The following HIVEP3 variants were observed in gnomAD, a reference collection of about 807,000 sequenced individuals.
The protein encoded by HIVEP3 is transcription factor HIVEP3.
Under a neutral mutation model 152.8 loss-of-function variants are expected in HIVEP3, and 49 were observed. That is an observed-to-expected ratio of 0.32 (90% confidence interval 0.26 to 0.41). The LOEUF is 0.41. HIVEP3 is among the 10% of genes least tolerant of loss of function. The probability of loss-of-function intolerance (pLI) is 1.00; values close to 1 mark genes in which losing one functional copy is unlikely to be tolerated. For missense variants in HIVEP3, 2,790 were observed against 3,103.3 expected (o/e 0.90, Z 2.40); for synonymous variants, 1,269 against 1,289.0 (o/e 0.98, Z 0.33).
intron 5 of HIVEP3, among the ~76,000 whole-genome samples, chr1:41,548,734 C>A (rs193199541): frequency 1.3e-5 from 2 of 152,088 alleles, no homozygotes; most frequent in African/African-American, 4.8e-5. Context: ...CGGGGTTTTA[C>A]CATGTTGGCC....
chr1:41,942,647 G>A (rs948256379), intron 1 of HIVEP3, among the ~76,000 whole-genome samples: 1 of 152,120 alleles, frequency 6.6e-6, no homozygotes, highest in Admixed American at 6.6e-5. Context: ...CATGCACAAA[G>A]CTATTTGTCA....
intron 1 of HIVEP3, among the ~76,000 whole-genome samples, chr1:41,928,860 T>A (rs568254334): frequency 6.6e-6 from 1 of 152,282 alleles, no homozygotes; most frequent in African/African-American, 2.4e-5. Flanking sequence ...TAATATGTCT[T>A]ACTGGCTGGG....
intron 2 of HIVEP3, among the ~76,000 whole-genome samples, chr1:41,691,202 T>C (rs1253615328): frequency 6.6e-6 from 1 of 152,264 alleles, no homozygotes. Flanking sequence ...AGAATATGGA[T>C]TTTTATCTTG....
At position 41,819,711 on chromosome 1, in the gene HIVEP3, T is replaced by C. The variant is rs111333093; in HGVS notation, c.-801+98702A>G. Among the ~76,000 whole-genome samples, 413 of 152,332 alleles carry C rather than the reference T, an allele frequency of 2.7e-3. 2 individuals carry two copies. Among genetic ancestry groups the C allele is most frequent in the African/African-American group, 9.6e-3 (398 of 41,570 alleles). On this transcript the variant is annotated intron_variant, in intron 1 of 8. Coordinates refer to ENST00000372583, the MANE Select transcript of HIVEP3 (RefSeq NM_024503.5). ...ATTGCTTTGCGGTCAGAGACATATATGATATTGGGGGTTTTTCTTGTAGTT... is the reference window on the plus strand; with the variant it reads ...ATTGCTTTGCGGTCAGAGACATATACGATATTGGGGGTTTTTCTTGTAGTT...
In HIVEP3 at chr1:41,518,943, G is replaced by T. The variant is rs1164288516; in HGVS notation, c.5384-455C>A. On this transcript the variant is annotated intron_variant, in intron 6 of 8. Coordinates refer to ENST00000372583, the MANE Select transcript of HIVEP3 (RefSeq NM_024503.5). ...GAGGCTCCCATTGACCGGCATGACG[G>T]GTGAGGACTGAGCATGCCCTTCTGG... 2.0e-5 allele frequency among the ~76,000 whole-genome samples: 3 copies of T among 151,940 alleles called. 1 individual carries two copies. Among genetic ancestry groups the T allele is most frequent in the Non-Finnish European group, 4.4e-5 (3 of 67,972 alleles).
At chr1:41,869,740 G>C (rs1180588320) in intron 1 of HIVEP3, 1 of 152,140 alleles carries the variant, frequency 6.6e-6, no homozygotes, top group Non-Finnish European at 1.5e-5. Context: ...AGCATCATGG[G>C]TGTAAGCATA....
intron 2 of HIVEP3, among the ~76,000 whole-genome samples, chr1:41,651,848 T>C (rs1221989261): frequency 6.6e-6 from 1 of 152,250 alleles, no homozygotes; most frequent in Non-Finnish European, 1.5e-5. Context: ...GGTTTTTTAG[T>C]GGCTAGAGCA....
rs764981610 is a variant in HIVEP3, at chr1:41,575,552, G to A, written c.5199C>T (p.Phe1733=). The change falls in exon 5 of 9, where the codon TTC becomes TTT. Residue 1733 remains phenylalanine (F), a synonymous_variant. Coordinates refer to ENST00000372583, the MANE Select transcript of HIVEP3 (RefSeq NM_024503.5). ...QRGEPARIKI[F]EGGYKSNEEY... ...CCAAACATGAGTCTTACCCTCCTTC[G>A]AAGATTTTGATCCTCGCCGGCTCCC... 29 of 1,613,950 alleles carry A rather than the reference G, an allele frequency of 1.8e-5. No individual in the cohort carries two copies. Among genetic ancestry groups the A allele is most frequent in the Middle Eastern group, 1.6e-4 (1 of 6,080 alleles).
intron 1 of HIVEP3, among the ~76,000 whole-genome samples, chr1:41,770,484 C>T (rs1435966678): frequency 6.6e-6 from 1 of 152,094 alleles, no homozygotes; most frequent in Non-Finnish European, 1.5e-5. Context: ...ATAGTGACTT[C>T]GCAATGAACC....
rs1234555167 is a variant in HIVEP3 at position 41,662,980 on chromosome 1, T to C, written c.-720-34033A>G. Among the ~76,000 whole-genome samples the C allele has an allele frequency of 1.4e-5, 2 of 143,290 alleles. No individual in the cohort carries two copies. Among genetic ancestry groups the C allele is most frequent in the Admixed American group, 6.9e-5 (1 of 14,548 alleles). The allele number at this position is 143,290 out of a possible 152,430, so 94.0% of individuals were successfully genotyped here. ...CGGGGCGGGCCTGCCAGGGCCTCCC[T>C]GGGCTCAGGCCTGGGGTGGGGGCGG... On this transcript the variant is annotated intron_variant, in intron 2 of 8. Transcript: ENST00000372583. The surrounding 1 kb of genome is among the most constrained non-coding windows in gnomAD (Gnocchi z 7.2).
chr1:41,674,627 G>A (rs1645926617), intron 2 of HIVEP3, among the ~76,000 whole-genome samples: 1 of 152,164 alleles, frequency 6.6e-6, no homozygotes, highest in Non-Finnish European at 1.5e-5. Flanking sequence ...TCCTATAATG[G>A]CCTATTCACA....
At chr1:41,792,636 C>T (rs1649767234) in intron 1 of HIVEP3, among the ~76,000 whole-genome samples, 1 of 152,218 alleles carries the variant, frequency 6.6e-6, no homozygotes, top group Non-Finnish European at 1.5e-5. Flanking sequence ...GCAAGGAGAC[C>T]AGTGAGCAGG....
intron 1 of HIVEP3, among the ~76,000 whole-genome samples, chr1:41,939,337 C>A (rs935424712): frequency 6.6e-6 from 1 of 152,050 alleles, no homozygotes; most frequent in Non-Finnish European, 1.5e-5. Flanking sequence ...TTAGTGAACT[C>A]CAGAATTTGG....
intron 3 of HIVEP3, among the ~76,000 whole-genome samples, chr1:41,621,100 C>T (rs193081175): frequency 6.6e-6 from 1 of 152,350 alleles, no homozygotes; most frequent in East Asian, 1.9e-4. Context: ...CCCGCCTCAC[C>T]TGTCCCCAGT....
At chr1:41,694,034 A>G (rs1330305006) in intron 2 of HIVEP3, among the ~76,000 whole-genome samples, 1 of 152,110 alleles carries the variant, frequency 6.6e-6, no homozygotes, top group African/African-American at 2.4e-5. Context: ...TAGGCCATTC[A>G]TCCATGTTTA....
chr1:41,582,483 C>T lies in HIVEP3; in HGVS notation c.2315G>A (p.Gly772Asp). The change falls in exon 4 of 9, where the codon GGC (glycine) becomes GAC (aspartate). Residue 772 changes from glycine to aspartate, a missense_variant. Physicochemically the swap from Gly to Asp is moderately conservative, Grantham distance 94. Coordinates refer to ENST00000372583, the MANE Select transcript of HIVEP3 (RefSeq NM_024503.5). This position sits in a 1 kb window ranked among gnomAD's most constrained non-coding sequence, Gnocchi z 4.7. ...KSVPSLEGPT[G>D]FQPRTPKPGS... ...TGGCTTGGGAGTCCTTGGCTGGAAG[C>T]CCGTGGGTCCCTCCAAGGAGGGCAC... 6.2e-7 allele frequency: 1 copy of T among 1,613,146 alleles called. No homozygotes were observed. Among genetic ancestry groups the T allele is most frequent in the Non-Finnish European group, 8.5e-7 (1 of 1,179,310 alleles).
intron 1 of HIVEP3, among the ~76,000 whole-genome samples, chr1:41,799,945 C>A (rs1167694267): frequency 6.6e-6 from 1 of 152,022 alleles, no homozygotes; most frequent in Non-Finnish European, 1.5e-5. Context: ...ATTACTCAGG[C>A]CAATCAGAAA....
intron 1 of HIVEP3, among the ~76,000 whole-genome samples, chr1:41,742,647 A>G (rs1647013938): frequency 1.3e-5 from 2 of 152,332 alleles, no homozygotes; most frequent in South Asian, 4.1e-4. Context: ...CATAGTTCTA[A>G]TGGGGATTTA....
intron 1 of HIVEP3, among the ~76,000 whole-genome samples, chr1:41,705,478 C>A (rs568727446): frequency 2.2e-4 from 33 of 152,322 alleles, no homozygotes; most frequent in Middle Eastern, 6.8e-3. Flanking sequence ...AACCCAGAAA[C>A]ATGTTTGCTT....
Sources: allele counts gnomAD v4.1 joint callset (sites outside exome capture counted in the v4.1 genomes callset), GRCh38; gene constraint gnomAD v4.1.1; non-coding constraint Gnocchi (gnomAD v3.1); transcripts MANE v1.5; gene names NCBI Gene and HGNC (gene_info 2026-07-23, HGNC 2026-07-21).